Variants in ZBED6 observed in about 807,000 individuals in gnomAD.
ZBED6 encodes the protein zinc finger BED domain-containing protein 6.
In ZBED6, 40 loss-of-function variants were observed where a neutral mutation model predicts 58.4. The ratio of observed to expected loss-of-function variants is 0.68; its 90% CI spans 0.53 to 0.89. The LOEUF is 0.89. ZBED6 is among the 40% of genes least tolerant of loss of function. The probability of loss-of-function intolerance (pLI) is 0.00; values close to 1 mark genes in which losing one functional copy is unlikely to be tolerated. For missense variants in ZBED6, 1,057 were observed against 1,003.9 expected, an observed-to-expected ratio of 1.05 and a Z score of -0.71; for synonymous variants, 439 against 350.6, an observed-to-expected ratio of 1.25 and a Z score of -2.82.
intron 11 of ZBED6, among the ~76,000 whole-genome samples, chr1:203,844,264 C>T (rs1332712130): frequency 6.6e-6 from 1 of 152,104 alleles, no homozygotes; most frequent in South Asian, 2.1e-4. Context: ...CAGGTTAAAG[C>T]GATTCTCCTG....
At chr1:203,847,733 T>A in intron 12 of ZBED6, 46 bp downstream of exon 12, 1 of 1,576,620 alleles carries the variant, frequency 6.3e-7, no homozygotes, top group Non-Finnish European at 8.6e-7. Context: ...CACATAATAT[T>A]CCAGAGGAGT....
chr1:203,847,269 G>A (rs973024763), exon 12 of ZBED6: 1 of 1,613,872 alleles, frequency 6.2e-7, no homozygotes, highest in East Asian at 2.2e-5. Context: ...GTGGAGAATT[G>A]CAAACTAAAC....
At chr1:203,848,230 C>T in intron 12 of ZBED6, 101 bp from the exon 13 acceptor site, 2 of 948,054 alleles carry the variant, frequency 2.1e-6, no homozygotes, top group South Asian at 3.2e-5. Context: ...TTTTATTTGT[C>T]CTGTCTTACT....
intron 4 of ZBED6, 141 bp downstream of exon 4, chr1:203,828,563 A>G (rs905518543): frequency 3.6e-6 from 4 of 1,097,470 alleles, no homozygotes; most frequent in Non-Finnish European, 5.2e-6. Flanking sequence ...AGTGAACTGA[A>G]TCTTATTAAG....
intron 11 of ZBED6, among the ~76,000 whole-genome samples, chr1:203,844,473 C>T (rs142075250): frequency 1.5e-4 from 23 of 152,292 alleles, no homozygotes; most frequent in Non-Finnish European, 3.2e-4. Context: ...CTGGCCTGCT[C>T]TGGGATTTCT....
intron 1 of ZBED6, among the ~76,000 whole-genome samples, chr1:203,811,532 A>G (rs1356682777): frequency 6.6e-6 from 1 of 152,096 alleles, no homozygotes; most frequent in Non-Finnish European, 1.5e-5. Flanking sequence ...TTCTGGAGGC[A>G]GAATCTTGCT....
intron 11 of ZBED6, among the ~76,000 whole-genome samples, chr1:203,845,621 T>G (rs1687676368): frequency 6.6e-6 from 1 of 152,180 alleles, no homozygotes; most frequent in Non-Finnish European, 1.5e-5. Context: ...TCCCAGCACT[T>G]TGGGAGGCCA....
rs540991633 is a variant in ZBED6 at position 203,831,618 on chromosome 1, T to C, written c.*3400-43T>C. On this transcript the variant is annotated intron_variant, in intron 7 of 16. Coordinates refer to ENST00000550078, the Ensembl canonical transcript of ZBED6. ...AATTTTTTGACTTGGGATAGCATTATTTTCCATAAATTATTTGCTGTTCTT... is the reference window on the plus strand; with the variant it reads ...AATTTTTTGACTTGGGATAGCATTACTTTCCATAAATTATTTGCTGTTCTT... The C allele has an allele frequency of 6.4e-5, 99 of 1,555,244 alleles. 1 individual carries two copies. The South Asian group carries it at 1.0e-3, about 16-fold the overall frequency.
chr1:203,815,152 A>G (rs1387070800), intron 1 of ZBED6, among the ~76,000 whole-genome samples: 3 of 150,338 alleles, frequency 2.0e-5, no homozygotes, highest in Non-Finnish European at 4.4e-5. Flanking sequence ...TTTTAAAAAT[A>G]GTCTCCAGTT....
At chr1:203,798,745 G>A in exon 1 of ZBED6, 1 of 1,536,156 alleles carries the variant, frequency 6.5e-7, no homozygotes, top group Middle Eastern at 1.7e-4. Flanking sequence ...CCAGTCTCAA[G>A]TCACATAAGT....
chr1:203,797,754 A>G (rs2102352511), exon 1 of ZBED6: 1 of 1,535,690 alleles, frequency 6.5e-7, no homozygotes, highest in Non-Finnish European at 8.7e-7. Flanking sequence ...GCGTCGAAAA[A>G]AATTGATTCT....
At chr1:203,851,545 G>T (rs1689259998) in intron 16 of ZBED6, among the ~76,000 whole-genome samples, 1 of 152,076 alleles carries the variant, frequency 6.6e-6, no homozygotes, top group South Asian at 2.1e-4. Flanking sequence ...GTCCAGGGTG[G>T]TCTCAAACTC....
At chr1:203,798,494 C>T in exon 1 of ZBED6, 1 of 1,536,110 alleles carries the variant, frequency 6.5e-7, no homozygotes, top group Non-Finnish European at 8.7e-7. Context: ...CCAACAAAGA[C>T]AGTGGTGCTG....
Position 203,806,074 on chromosome 1 carries a change from A to G in ZBED6, c.*2554+3058A>G, listed in dbSNP as rs565607866. The G allele has an allele frequency of 9.8e-6, 5 of 509,630 alleles. No individual in the cohort carries two copies. The East Asian group carries it at 2.5e-4, about 25-fold the overall frequency. The allele number at this position is 509,630 out of a possible 1,614,324, so 31.6% of individuals were successfully genotyped here. ...CATCCGCTTTTGTTTTAAAACTCGC[A>G]AGGCTTTCTGCGTAATCATATTCTT... On this transcript the variant is annotated intron_variant, in intron 1 of 16. Transcript: ENST00000550078.
chr1:203,835,200 A>G (rs1683893464), intron 9 of ZBED6, among the ~76,000 whole-genome samples: 1 of 152,216 alleles, frequency 6.6e-6, no homozygotes, highest in African/African-American at 2.4e-5. Context: ...GATAATGCCC[A>G]TGAATGAAAT....
At chr1:203,830,534 T>C (rs546480278) in intron 7 of ZBED6, among the ~76,000 whole-genome samples, 1 of 152,286 alleles carries the variant, frequency 6.6e-6, no homozygotes, top group East Asian at 1.9e-4. Flanking sequence ...GAGGAAAGGC[T>C]GGGCGTGGTG....
chr1:203,821,410 T>A (rs1030091224), intron 3 of ZBED6, among the ~76,000 whole-genome samples: 1 of 152,204 alleles, frequency 6.6e-6, no homozygotes, highest in African/African-American at 2.4e-5. Flanking sequence ...CAGTGTGTCG[T>A]ACTCTGTTAC....
At chr1:203,822,379 C>A (rs1679069583) in intron 3 of ZBED6, among the ~76,000 whole-genome samples, 2 of 151,916 alleles carry the variant, frequency 1.3e-5, no homozygotes, top group Non-Finnish European at 2.9e-5. Flanking sequence ...CTTGCTTTAC[C>A]ATAGGGACCT....
exon 17 of ZBED6, chr1:203,852,410 G>A: frequency 6.2e-7 from 1 of 1,610,954 alleles, no homozygotes; most frequent in Non-Finnish European, 8.5e-7. Flanking sequence ...AGGTGGTAGT[G>A]AGGACACTTT....
Sources: allele counts gnomAD v4.1 joint callset (sites outside exome capture counted in the v4.1 genomes callset), GRCh38; gene constraint gnomAD v4.1.1; transcripts MANE v1.5; gene names NCBI Gene and HGNC (gene_info 2026-07-23, HGNC 2026-07-21).